RUNX2: variants seen among roughly 807,000 people sequenced by gnomAD.
RUNX2 encodes runt-related transcription factor 2.
Under a neutral mutation model 51.7 loss-of-function variants are expected in RUNX2, and 10 were observed. The ratio of observed to expected loss-of-function variants is 0.19; its 90% confidence interval spans 0.12 to 0.33. The LOEUF (loss-of-function observed/expected upper bound fraction) is 0.33, where lower values mean the gene tolerates loss of function less well. Among genes scored for constraint, RUNX2 ranks in the 10% least tolerant of loss-of-function variants. The probability of loss-of-function intolerance (pLI) is 1.00; values close to 1 mark genes in which losing one functional copy is unlikely to be tolerated. For missense variants in RUNX2, 562 were observed against 691.3 expected (o/e 0.81, Z 2.10); for synonymous variants, 276 against 273.6 (o/e 1.01, Z -0.09).
At chr6:45,501,853 A>G (rs759757764) in intron 6 of RUNX2, among the ~76,000 whole-genome samples, 1 of 152,202 alleles carries the variant, frequency 6.6e-6, no homozygotes, top group East Asian at 1.9e-4. Context: ...GCAAGTCAAC[A>G]CCAACAGTGG....
chr6:45,525,463 T>G (rs1563124070), intron 7 of RUNX2, among the ~76,000 whole-genome samples: 1 of 152,238 alleles, frequency 6.6e-6, no homozygotes, highest in Non-Finnish European at 1.5e-5. Context: ...GACAGTGTAT[T>G]GGAAATAGGA....
At chr6:45,487,269 C>T (rs1800311254) in intron 5 of RUNX2, among the ~76,000 whole-genome samples, 1 of 152,112 alleles carries the variant, frequency 6.6e-6, no homozygotes, top group Non-Finnish European at 1.5e-5. Context: ...GAGAAAACAG[C>T]CCCAGGCCAG....
intron 5 of RUNX2, among the ~76,000 whole-genome samples, chr6:45,461,893 A>C (rs1022494020): frequency 6.6e-6 from 1 of 152,060 alleles, no homozygotes; most frequent in Non-Finnish European, 1.5e-5. Context: ...CTTTTTTTTA[A>C]ATGTGATTTG....
At chr6:45,515,840 C>T (rs1240026812) in intron 7 of RUNX2, among the ~76,000 whole-genome samples, 1 of 152,132 alleles carries the variant, frequency 6.6e-6, no homozygotes, top group African/African-American at 2.4e-5. Context: ...TGCTGAGTTA[C>T]ACTTAAATTA....
chr6:45,438,209 C>T (rs1334861831), intron 5 of RUNX2, among the ~76,000 whole-genome samples, 158 bp downstream of exon 5: 1 of 152,092 alleles, frequency 6.6e-6, no homozygotes, highest in African/African-American at 2.4e-5. Flanking sequence ...GTTAGTCAAA[C>T]TTCAGAGTTA....
At chr6:45,483,266 A>T (rs1430282851) in intron 5 of RUNX2, among the ~76,000 whole-genome samples, 1 of 152,188 alleles carries the variant, frequency 6.6e-6, no homozygotes, top group East Asian at 1.9e-4. Flanking sequence ...GTGCACTCTT[A>T]GGGAAAAAGA....
intron 5 of RUNX2, among the ~76,000 whole-genome samples, chr6:45,461,931 G>C (rs1035531060): frequency 6.6e-6 from 1 of 152,082 alleles, no homozygotes; most frequent in Non-Finnish European, 1.5e-5. Context: ...CTTTAAAAAT[G>C]TTCCCAGGGC....
intron 2 of RUNX2, among the ~76,000 whole-genome samples, chr6:45,382,084 G>A (rs1797251438): frequency 6.6e-6 from 1 of 152,164 alleles, no homozygotes; most frequent in Admixed American, 6.5e-5. Context: ...GTTTCAAAGA[G>A]CCTTTGAGCT....
intron 7 of RUNX2, among the ~76,000 whole-genome samples, chr6:45,534,470 A>AT (rs1801969384): frequency 6.6e-6 from 1 of 152,144 alleles, no homozygotes; most frequent in African/African-American, 2.4e-5. Flanking sequence ...TTACCTTATT[A>AT]TTTCATGATG....
chr6:45,354,568 C>A (rs527310704), intron 2 of RUNX2, among the ~76,000 whole-genome samples: 2 of 152,114 alleles, frequency 1.3e-5, no homozygotes, highest in African/African-American at 4.8e-5. Context: ...TAATAAGGGG[C>A]TTCACTGCAT....
intron 2 of RUNX2, among the ~76,000 whole-genome samples, chr6:45,418,267 A>G (rs1460067479): frequency 3.3e-5 from 5 of 152,210 alleles, no homozygotes. Flanking sequence ...GACTGGATAA[A>G]TAACCTGACT....
chr6:45,342,386 C>T (rs1427185263), intron 2 of RUNX2, among the ~76,000 whole-genome samples: 1 of 152,028 alleles, frequency 6.6e-6, no homozygotes, highest in South Asian at 2.1e-4. Flanking sequence ...CTCAGCCTCC[C>T]GAGTAGCTAG....
At chr6:45,331,257 T>C (rs1013944960) in intron 2 of RUNX2, among the ~76,000 whole-genome samples, 2 of 152,044 alleles carry the variant, frequency 1.3e-5, no homozygotes, top group South Asian at 2.1e-4. Context: ...ATCATAAATA[T>C]AGCTTGCTGA....
chr6:45,494,146 C>T (rs143246850), intron 6 of RUNX2, among the ~76,000 whole-genome samples: 17 of 152,204 alleles, frequency 1.1e-4, no homozygotes, highest in Non-Finnish European at 1.3e-4. Flanking sequence ...GTAGCATCCC[C>T]GCCTAGCAGA....
chr6:45,372,012 A>G, intron 2 of RUNX2: 1 of 941,732 alleles, frequency 1.1e-6, no homozygotes, highest in South Asian at 4.9e-5. Context: ...TCTACTATAC[A>G]TCAAAGAATA....
chr6:45,512,502 C>A, intron 7 of RUNX2, 95 bp downstream of exon 7: 1 of 1,363,918 alleles, frequency 7.3e-7, no homozygotes, highest in South Asian at 1.2e-5. Context: ...CACAGTGACT[C>A]TCTATTAGAG....
Position 45,547,422 on chromosome 6 carries a change from A to AT in RUNX2, c.*123dup, listed in dbSNP as rs1223805989. 3.4e-5 allele frequency: 30 copies of AT among 880,732 alleles called. 1 individual carries two copies. The South Asian group carries it at 3.8e-4, about 11-fold the overall frequency. The allele number at this position is 880,732 out of a possible 1,614,324, so 54.6% of individuals were successfully genotyped here. A position where few individuals can be genotyped will look rare whatever the true frequency, so the allele number is the denominator to read the frequency against. ...TCGATTAGCTATCTACAAAGTGCCT[A>AT]TTTTTTAGAAGATTTTTCATTCACT... is the stretch of plus-strand genomic sequence containing the variant. On this transcript the variant is annotated 3_prime_UTR_variant, in exon 9 of 9. Coordinates refer to ENST00000647337, the MANE Select transcript of RUNX2 (RefSeq NM_001024630.4).
Position 45,374,843 on chromosome 6 carries a change from C to T in RUNX2, c.58+46059C>T, listed in dbSNP as rs1271619062. On this transcript the variant is annotated intron_variant, in intron 2 of 8. Transcript: ENST00000647337. ...ATCAGTGGCTTAAATGGGAAAGTCA[C>T]TTGCTGGCCTTATTCCAGGTATCTT... Among the ~76,000 whole-genome samples the T allele has an allele frequency of 4.6e-5, 7 of 152,222 alleles. No homozygotes were observed. In the South Asian group the frequency reaches 8.3e-4, roughly 18 times the overall value.
intron 5 of RUNX2, among the ~76,000 whole-genome samples, chr6:45,491,629 T>G (rs1459513213): frequency 2.7e-5 from 4 of 148,218 alleles, no homozygotes; most frequent in Admixed American, 1.3e-4. Context: ...TTTGTTTTTT[T>G]TTTTTTTTTT....
Sources: gnomAD v4.1 joint callset for allele counts (sites outside exome capture counted in the v4.1 genomes callset) on GRCh38, gnomAD v4.1.1 for gene constraint, MANE v1.5 for transcripts, NCBI Gene and HGNC (gene_info 2026-07-23, HGNC 2026-07-21) for gene names.